The following LDB2 variants were observed in gnomAD, a reference collection of about 807,000 sequenced individuals.
The protein encoded by LDB2 is LIM domain-binding protein 2.
A neutral mutation model predicts 44.3 loss-of-function variants in LDB2; 12 were observed. The ratio of observed to expected loss-of-function variants is 0.27; its 90% CI spans 0.17 to 0.44. LDB2 has a LOEUF of 0.44. LDB2 is among the 20% of genes least tolerant of loss of function. The pLI is 1.00. For missense variants in LDB2, 344 were observed against 473.5 expected (o/e 0.73, Z 2.54); for synonymous variants, 164 against 174.8 (o/e 0.94, Z 0.49).
intron 1 of LDB2, among the ~76,000 whole-genome samples, chr4:16,804,752 G>T (rs1402741789): frequency 6.6e-6 from 1 of 152,122 alleles, no homozygotes; most frequent in African/African-American, 2.4e-5. Flanking sequence ...CTAGATATTT[G>T]CTAGGTTTAA....
At chr4:16,871,945 T>G (rs1435080832) in intron 1 of LDB2, among the ~76,000 whole-genome samples, 2 of 152,130 alleles carry the variant, frequency 1.3e-5, no homozygotes, top group Non-Finnish European at 2.9e-5. Flanking sequence ...CTCTTATTCA[T>G]CAATGAAAAT....
intron 2 of LDB2, among the ~76,000 whole-genome samples, chr4:16,694,806 G>A (rs1283502878): frequency 6.6e-6 from 1 of 152,214 alleles, no homozygotes; most frequent in African/African-American, 2.4e-5. Context: ...GTTGTGGAGA[G>A]GATTTAAAGT....
chr4:16,674,331 C>T, intron 2 of LDB2: 1 of 1,193,302 alleles, frequency 8.4e-7, no homozygotes, highest in Non-Finnish European at 1.1e-6. Flanking sequence ...TGCAGAAAGA[C>T]AGTGCTCTTT....
intron 2 of LDB2, among the ~76,000 whole-genome samples, chr4:16,635,366 G>A (rs759478443): frequency 2.6e-5 from 4 of 152,094 alleles, no homozygotes; most frequent in South Asian, 2.1e-4. Flanking sequence ...ATGGATTCCA[G>A]CTCATGAATT....
intron 5 of LDB2, among the ~76,000 whole-genome samples, chr4:16,535,341 T>C (rs560867764): frequency 6.6e-6 from 1 of 152,284 alleles, no homozygotes; most frequent in South Asian, 2.1e-4. Flanking sequence ...TCCGTTTCCT[T>C]TAATAGAGCC....
chr4:16,834,757 T>G (rs552647916), intron 1 of LDB2, among the ~76,000 whole-genome samples: 1 of 150,646 alleles, frequency 6.6e-6, no homozygotes, highest in East Asian at 2.0e-4. Context: ...AACCCCGGAG[T>G]CGGAGTTTGC....
rs1749292906 is a variant in LDB2, at chr4:16,686,527, A to C, written c.235+72631T>G. Among the ~76,000 whole-genome samples the C allele has an allele frequency of 3.3e-5, 5 of 152,214 alleles. No homozygotes were observed. In the South Asian group the frequency reaches 1.0e-3, roughly 32 times the overall value. On this transcript the variant is annotated intron_variant, in intron 2 of 7. Coordinates refer to ENST00000304523, the MANE Select transcript of LDB2 (RefSeq NM_001290.5). ...AGAAATGATAAGAATCTTTGGGCAGAAATGCTGACAACTGAGGCAGAGAAT... is the reference window on the plus strand; with the variant it reads ...AGAAATGATAAGAATCTTTGGGCAGCAATGCTGACAACTGAGGCAGAGAAT...
chr4:16,870,639 A>ATTTATAC (rs1418614956), intron 1 of LDB2, among the ~76,000 whole-genome samples: 1 of 151,324 alleles, frequency 6.6e-6, no homozygotes, highest in East Asian at 1.9e-4. Flanking sequence ...TTATTTATTT[A>ATTTATAC]TTTATTTATT....
chr4:16,526,582 G>A (rs1296090759), intron 5 of LDB2, among the ~76,000 whole-genome samples: 5 of 152,212 alleles, frequency 3.3e-5, no homozygotes, highest in African/African-American at 1.2e-4. Flanking sequence ...CATCCATCCT[G>A]TTGGTGAACC....
At chr4:16,709,020 A>G (rs537401269) in intron 2 of LDB2, among the ~76,000 whole-genome samples, 79 of 152,252 alleles carry the variant, frequency 5.2e-4, no homozygotes, top group African/African-American at 1.8e-3. Context: ...TTTGAAATCA[A>G]TGACAGCTCA....
At chr4:16,741,548 G>A (rs1763245797) in intron 2 of LDB2, 1 of 152,182 alleles carries the variant, frequency 6.6e-6, no homozygotes, top group African/African-American at 2.4e-5. Flanking sequence ...TGTAGATCAG[G>A]AAAACACAAG....
chr4:16,666,975 G>A (rs1029372275), intron 2 of LDB2, among the ~76,000 whole-genome samples: 2 of 152,174 alleles, frequency 1.3e-5, no homozygotes, highest in African/African-American at 4.8e-5. Flanking sequence ...AGGGTATGCA[G>A]AGGTTGATTA....
rs1328318549 is a variant in LDB2 at position 16,688,032 on chromosome 4, ACATTATGAGT to A, written c.235+71116_235+71125del. Reference sequence around the variant, plus strand: ...TACATTGAACGTTAGCTTCTGAACCACATTATGAGTCAGATAAAGAAAATAAGATACAAAG... The same window carrying A: ...TACATTGAACGTTAGCTTCTGAACCACAGATAAAGAAAATAAGATACAAAG... On this transcript the variant is annotated intron_variant, in intron 2 of 7. Transcript: ENST00000304523. 3.3e-5 allele frequency among the ~76,000 whole-genome samples: 5 copies of A among 152,326 alleles called. No individual in the cohort carries two copies. In the East Asian group the frequency reaches 9.6e-4, roughly 29 times the overall value.
chr4:16,857,392 G>T (rs2110230207), intron 1 of LDB2, among the ~76,000 whole-genome samples: 1 of 152,254 alleles, frequency 6.6e-6, no homozygotes, highest in East Asian at 1.9e-4. Flanking sequence ...GGATAGCCCT[G>T]CTTCCATTCT....
chr4:16,881,833 A>G (rs1004103140), intron 1 of LDB2, among the ~76,000 whole-genome samples: 6 of 152,270 alleles, frequency 3.9e-5, no homozygotes, highest in African/African-American at 1.4e-4. Flanking sequence ...ATAAGTTAAG[A>G]GACCTAGTTG....
intron 1 of LDB2, among the ~76,000 whole-genome samples, chr4:16,872,129 T>G (rs528624222): frequency 1.3e-5 from 2 of 152,052 alleles, no homozygotes; most frequent in Non-Finnish European, 2.9e-5. Context: ...TATGTATGTA[T>G]ATACACGCTC....
chr4:16,893,569 C>T (rs932319061), intron 1 of LDB2, among the ~76,000 whole-genome samples: 1 of 151,832 alleles, frequency 6.6e-6, no homozygotes, highest in Admixed American at 6.6e-5. Context: ...GGGGTGAAAA[C>T]CAGCAGATTT....
rs1246771771 is a variant in LDB2 at position 16,892,450 on chromosome 4, AAAG to A, written c.132+5901_132+5903del. On this transcript the variant is annotated intron_variant, in intron 1 of 7. Transcript: ENST00000304523. ...CTCATATTGATTTTTAAAAATTTAA[AAAG>A]AAGGAAAACGCCTTGTCAGAAAATG... is the stretch of plus-strand genomic sequence containing the variant. 2.0e-4 allele frequency among the ~76,000 whole-genome samples: 30 copies of A among 152,372 alleles called. 1 individual carries two copies. The East Asian group carries it at 5.6e-3, about 28-fold the overall frequency.
At chr4:16,800,930 C>T (rs1190822192) in intron 1 of LDB2, among the ~76,000 whole-genome samples, 3 of 152,206 alleles carry the variant, frequency 2.0e-5, no homozygotes, top group African/African-American at 7.2e-5. Flanking sequence ...CCGCCTCGGC[C>T]TCCCAGCGTG....
Sources: gnomAD v4.1 joint callset for allele counts (sites outside exome capture counted in the v4.1 genomes callset) on GRCh38, gnomAD v4.1.1 for gene constraint, MANE v1.5 for transcripts, NCBI Gene and HGNC (gene_info 2026-07-23, HGNC 2026-07-21) for gene names.